Variants in MRPS24 observed in about 807,000 individuals in gnomAD.
MRPS24 encodes small ribosomal subunit protein uS3m.
In MRPS24, 15 loss-of-function variants were observed where a neutral mutation model predicts 21.8. The ratio of observed to expected loss-of-function variants is 0.69; its 90% CI spans 0.46 to 1.06. MRPS24 has a LOEUF of 1.06. Ranked by LOEUF, MRPS24 falls within the 50% of genes least tolerant of loss-of-function variation. The pLI is 0.00. For missense variants in MRPS24, 224 were observed against 219.1 expected (o/e 1.02, Z -0.14); for synonymous variants, 93 against 93.7 (o/e 0.99, Z 0.04).
chr7:43,866,641 C>A lies in MRPS24; in HGVS notation c.*58G>T. The stretch of plus-strand genomic sequence containing the variant: ...GGATGCATTTCCCCCACATACCATT[C>A]CTTTCCCACGTTTCCATTCTCTGCA... On this transcript the variant is annotated 3_prime_UTR_variant, in exon 4 of 4. Coordinates refer to ENST00000317534, the MANE Select transcript of MRPS24 (RefSeq NM_032014.3). The A allele has an allele frequency of 1.3e-6, 2 of 1,578,834 alleles. No homozygotes were observed. Among genetic ancestry groups the A allele is most frequent in the South Asian group, 1.2e-5 (1 of 86,518 alleles).
In MRPS24 at chr7:43,868,818, T is replaced by C. The variant is rs558063023; in HGVS notation, c.220+145A>G. 15 of 1,086,320 alleles carry C rather than the reference T, an allele frequency of 1.4e-5. No individual in the cohort carries two copies. The South Asian group carries it at 2.0e-4, about 14-fold the overall frequency. 67.3% of individuals were successfully genotyped at this position (1,086,320 alleles called of 1,614,324 possible). A position where few individuals can be genotyped will look rare whatever the true frequency, so the allele number is the denominator to read the frequency against. ...CATCCTGATCTATATATATCTCTGC[T>C]TTTTTATGTCTCCCTTGAGTTGGTT... On this transcript the variant is annotated intron_variant, in intron 3 of 3. Transcript: ENST00000317534.
chr7:43,868,609 G>T (rs78270351), intron 3 of MRPS24: 4,927 of 211,178 alleles, frequency 0.023, 273 homozygotes, highest in African/African-American at 0.11. Flanking sequence ...ATTCTGCAAC[G>T]GTTTCACTCC....
chr7:43,866,668 G>C lies in MRPS24; in HGVS notation c.*31C>G. ...TTTCCCACGTTTCCATTCTCTGCAGGCTACAGCTTGATGGAAAAAAGGGGA... is the reference window on the plus strand; with the variant it reads ...TTTCCCACGTTTCCATTCTCTGCAGCCTACAGCTTGATGGAAAAAAGGGGA... On this transcript the variant is annotated 3_prime_UTR_variant, in exon 4 of 4. Coordinates refer to ENST00000317534, the MANE Select transcript of MRPS24 (RefSeq NM_032014.3). The C allele has an allele frequency of 6.2e-7, 1 of 1,607,616 alleles. No individual in the cohort carries two copies.
chr7:43,866,733 G>A lies in MRPS24; in HGVS notation c.470C>T (p.Thr157Ile), dbSNP rs780079383. The part of the protein sequence containing the change: ...YKCPVRLHLQ[T>I]VPSKVVYKYL ...CTTATACACAACCTTTGAGGGCACA[G>A]TTTGGAGGTGGAGTCGCACAGGACA... The change falls in exon 4 of 4, where the codon ACT becomes ATT. Residue 157 changes from threonine (T) to isoleucine (I), a missense_variant. Thr to Ile is a moderately conservative substitution (Grantham distance 89). Transcript: ENST00000317534. The A allele has an allele frequency of 1.9e-6, 3 of 1,614,102 alleles. No individual in the cohort carries two copies. Among genetic ancestry groups the A allele is most frequent in the African/African-American group, 2.7e-5 (2 of 74,926 alleles).
At position 43,869,376 on chromosome 7, in the gene MRPS24, C is replaced by T; in HGVS notation, c.40G>A (p.Val14Met). ...SVCSGLLGPR[V>M]LSWSRELPCA... ...GGCAGCTCTCGGCTCCAGGACAGCACCTGTGGAGGGAGGGCGCGTGAGGCG... is the reference window on the plus strand; with the variant it reads ...GGCAGCTCTCGGCTCCAGGACAGCATCTGTGGAGGGAGGGCGCGTGAGGCG... The change falls in exon 2 of 4, where the codon GTG becomes ATG. Residue 14 changes from valine (V) to methionine (M), a missense_variant and splice_region_variant. By Grantham distance (21) the Val-to-Met change is conservative. Coordinates refer to ENST00000317534, the MANE Select transcript of MRPS24 (RefSeq NM_032014.3). The surrounding 1 kb of genome is among the most constrained non-coding windows in gnomAD (Gnocchi z 4.8). 1 of 1,549,836 alleles carries T rather than the reference C, an allele frequency of 6.5e-7. No homozygotes were observed. Among genetic ancestry groups the T allele is most frequent in the Non-Finnish European group, 8.7e-7 (1 of 1,146,792 alleles).
In MRPS24 at chr7:43,869,237, C is replaced by T. The variant is rs1484036489; in HGVS notation, c.108+71G>A. The T allele has an allele frequency of 6.7e-6, 10 of 1,485,320 alleles. No homozygotes were observed. Among genetic ancestry groups the T allele is most frequent in the Non-Finnish European group, 8.9e-6 (10 of 1,122,624 alleles). The allele number at this position is 1,485,320 out of a possible 1,614,324, so 92.0% of individuals were successfully genotyped here. A position where few individuals can be genotyped will look rare whatever the true frequency, so the allele number is the denominator to read the frequency against. Reference sequence around the variant, plus strand: ...GACCCCAGCGACACGCCCCCTTCAGCCCGCACGGCTTCCCCGGCCCCCGGC... The same window carrying T: ...GACCCCAGCGACACGCCCCCTTCAGTCCGCACGGCTTCCCCGGCCCCCGGC... On this transcript the variant is annotated intron_variant, in intron 2 of 3. Coordinates refer to ENST00000317534, the MANE Select transcript of MRPS24 (RefSeq NM_032014.3). The surrounding 1 kb of genome is among the most constrained non-coding windows in gnomAD (Gnocchi z 4.8).
At chr7:43,868,840 G>T in intron 3 of MRPS24, 123 bp downstream of exon 3, 3 of 1,214,196 alleles carry the variant, frequency 2.5e-6, no homozygotes, top group South Asian at 1.5e-5. Flanking sequence ...CCCTTGAGTT[G>T]GTTTCATAGA....
In MRPS24 at chr7:43,869,440, C is replaced by T. The variant is rs1281302882; in HGVS notation, c.39+17G>A. On this transcript the variant is annotated intron_variant, in intron 1 of 3. Coordinates refer to ENST00000317534, the MANE Select transcript of MRPS24 (RefSeq NM_032014.3). This position sits in a 1 kb window ranked among gnomAD's most constrained non-coding sequence, Gnocchi z 4.8. Reference sequence around the variant, plus strand: ...CCACCTCCGACTCGCAGGGACCTGCCGAGTCGCCCCACTCACCCGTGGCCC... The same window carrying T: ...CCACCTCCGACTCGCAGGGACCTGCTGAGTCGCCCCACTCACCCGTGGCCC... The T allele has an allele frequency of 6.4e-7, 1 of 1,558,126 alleles. No individual in the cohort carries two copies. The highest frequency in any genetic ancestry group is 2.4e-5 in the East Asian group (1 of 41,456).
chr7:43,868,170 C>T (rs1490493500), intron 3 of MRPS24: 2 of 152,118 alleles, frequency 1.3e-5, no homozygotes, highest in Non-Finnish European at 2.9e-5. Flanking sequence ...TTCTCTAATA[C>T]ATGTATGTTC....
chr7:43,867,859 T>C (rs1338099485), intron 3 of MRPS24: 1 of 152,110 alleles, frequency 6.6e-6, no homozygotes, highest in Non-Finnish European at 1.5e-5. Context: ...GTTCTCTAGA[T>C]GCATCTCAAA....
At chr7:43,868,129 G>C (rs916248642) in intron 3 of MRPS24, 4 of 152,132 alleles carry the variant, frequency 2.6e-5, no homozygotes. Context: ...ATTGAATTCA[G>C]GGCCAAGAGC....
Position 43,866,820 on chromosome 7 carries a change from G to C in MRPS24, c.383C>G (p.Ser128Cys), listed in dbSNP as rs1236266971. The change falls in exon 4 of 4, where the codon TCT becomes TGT. Residue 128 changes from serine (S) to cysteine (C), a missense_variant. Coordinates refer to ENST00000317534, the MANE Select transcript of MRPS24 (RefSeq NM_032014.3). ...EICAVVLRQL[S>C]PHKYYFLVGY... ...CACGAGGAAGTAGTACTTGTGTGGA[G>C]ACAACTGCCTCAGGACCACGGCACA... 1 of 1,614,120 alleles carries C rather than the reference G, an allele frequency of 6.2e-7. No individual in the cohort carries two copies. Among genetic ancestry groups the C allele is most frequent in the African/African-American group, 1.3e-5 (1 of 74,942 alleles).
At chr7:43,867,068 G>A (rs2132631876) in intron 3 of MRPS24, 86 bp from the exon 4 acceptor site, 1 of 1,407,278 alleles carries the variant, frequency 7.1e-7, no homozygotes, top group African/African-American at 1.4e-5. Flanking sequence ...CAAAAGCGCT[G>A]AGCACAATCC....
At position 43,868,944 on chromosome 7, in the gene MRPS24, A is replaced by T; in HGVS notation, c.220+19T>A. 1 of 1,610,336 alleles carries T rather than the reference A, an allele frequency of 6.2e-7. No homozygotes were observed. The highest frequency in any genetic ancestry group is 8.5e-7 in the Non-Finnish European group (1 of 1,177,864). On this transcript the variant is annotated intron_variant, in intron 3 of 3. Transcript: ENST00000317534. ...CAGTCGGATTGAGTGCTCCTTTTGG[A>T]GGCCTGGGGTCCGCTCACCTGTGTG...
At position 43,869,071 on chromosome 7, in the gene MRPS24, G is replaced by T; in HGVS notation, c.112C>A (p.Arg38=). 1 of 1,611,690 alleles carries T rather than the reference G, an allele frequency of 6.2e-7. No homozygotes were observed. Among genetic ancestry groups the T allele is most frequent in the Non-Finnish European group, 8.5e-7 (1 of 1,179,882 alleles). The change falls in exon 3 of 4, where the codon CGG becomes AGG. Residue 38 remains arginine (R), a synonymous_variant. Transcript: ENST00000317534. The surrounding 1 kb of genome is among the most constrained non-coding windows in gnomAD (Gnocchi z 4.8). ...TTGCTTACGCGTACTCGGGCCGCCC[G>T]GTTCTAGGAGCAAAAGGGGCCGTGA... is the stretch of plus-strand genomic sequence containing the variant. ...LHTSPVCAKN[R]AARVRVSKGD... is the part of the protein sequence containing the mutation.
In MRPS24 at chr7:43,866,680, T is replaced by C. The variant is rs1172895642; in HGVS notation, c.*19A>G. On this transcript the variant is annotated 3_prime_UTR_variant, in exon 4 of 4. Coordinates refer to ENST00000317534, the MANE Select transcript of MRPS24 (RefSeq NM_032014.3). ...CCATTCTCTGCAGGCTACAGCTTGA[T>C]GGAAAAAAGGGGATTGTTCTAGAGG... 1 of 1,610,122 alleles carries C rather than the reference T, an allele frequency of 6.2e-7. No homozygotes were observed. The highest frequency in any genetic ancestry group is 8.5e-7 in the Non-Finnish European group (1 of 1,176,672).
chr7:43,869,254 GC>G lies in MRPS24; in HGVS notation c.108+53del. ...CCCTTCAGCCCGCACGGCTTCCCCG[GC>G]CCCCGGCCCCCCGGCCCCCAGGCCC... is the stretch of plus-strand genomic sequence containing the variant. On this transcript the variant is annotated intron_variant, in intron 2 of 3. Coordinates refer to ENST00000317534, the MANE Select transcript of MRPS24 (RefSeq NM_032014.3). The surrounding 1 kb of genome is among the most constrained non-coding windows in gnomAD (Gnocchi z 4.8). The G allele has an allele frequency of 1.4e-6, 2 of 1,475,002 alleles. No individual in the cohort carries two copies. Among genetic ancestry groups the G allele is most frequent in the South Asian group, 1.3e-5 (1 of 76,020 alleles). The allele number at this position is 1,475,002 out of a possible 1,614,324, so 91.4% of individuals were successfully genotyped here.
intron 3 of MRPS24, 81 bp from the exon 4 acceptor site, chr7:43,867,063 G>C (rs2095836990): frequency 6.8e-7 from 1 of 1,466,482 alleles, no homozygotes; most frequent in Non-Finnish European, 9.3e-7. Context: ...ACATCCAAAA[G>C]CGCTGAGCAC....
Position 43,866,787 on chromosome 7 carries a change from C to G in MRPS24, c.416G>C (p.Ser139Thr). The G allele has an allele frequency of 6.2e-7, 1 of 1,614,250 alleles. No individual in the cohort carries two copies. Among genetic ancestry groups the G allele is most frequent in the Non-Finnish European group, 8.5e-7 (1 of 1,180,050 alleles). Residue 139 changes from serine (S) to threonine (T), a missense_variant, in exon 4 of 4, where the codon AGT becomes ACT. By Grantham distance (58) the Ser-to-Thr change is moderately conservative. Coordinates refer to ENST00000317534, the MANE Select transcript of MRPS24 (RefSeq NM_032014.3). ...PHKYYFLVGY[S>T]ETLLSYFYKC... ...GTAAAAGTAGGACAGCAAAGTTTCACTGTAGCCCACGAGGAAGTAGTACTT... is the reference window on the plus strand; with the variant it reads ...GTAAAAGTAGGACAGCAAAGTTTCAGTGTAGCCCACGAGGAAGTAGTACTT...
Sources: allele counts gnomAD v4.1 joint callset, GRCh38; gene constraint gnomAD v4.1.1; non-coding constraint Gnocchi (gnomAD v3.1); transcripts MANE v1.5; gene names NCBI Gene and HGNC (gene_info 2026-07-23, HGNC 2026-07-21).